The following NEK11 variants were observed in gnomAD, a reference collection of about 807,000 sequenced individuals.
NEK11 encodes the protein NIMA related kinase 11.
Under a neutral mutation model 80.7 loss-of-function variants are expected in NEK11, and 72 were observed. That is an observed-to-expected ratio of 0.89 (90% CI 0.74 to 1.08). The LOEUF is 1.08. Ranked by LOEUF, NEK11 falls within the 50% of genes least tolerant of loss-of-function variation. NEK11 has a pLI of 0.00. For missense variants in NEK11, 764 were observed against 763.6 expected (o/e 1.00, Z -0.01); for synonymous variants, 251 against 260.7 (o/e 0.96, Z 0.36).
At chr3:131,331,777 C>A (rs971885348) in intron 17 of NEK11, among the ~76,000 whole-genome samples, 9 of 152,188 alleles carry the variant, frequency 5.9e-5, no homozygotes, top group Non-Finnish European at 1.2e-4. Context: ...TGCGCTTTTC[C>A]GACGGGCTTA....
At chr3:131,138,604 C>G (rs2086154389) in intron 7 of NEK11, among the ~76,000 whole-genome samples, 1 of 152,040 alleles carries the variant, frequency 6.6e-6, no homozygotes, top group African/African-American at 2.4e-5. Context: ...TGGACGAGAC[C>G]TGGTGCCACT....
chr3:131,136,548 C>G (rs916609193), intron 7 of NEK11, among the ~76,000 whole-genome samples: 1 of 152,080 alleles, frequency 6.6e-6, no homozygotes, highest in Non-Finnish European at 1.5e-5. Context: ...GGAGAATTTG[C>G]TTAAAGGAGA....
chr3:131,139,131 G>T (rs1451263431), intron 7 of NEK11, among the ~76,000 whole-genome samples: 1 of 151,918 alleles, frequency 6.6e-6, no homozygotes, highest in Non-Finnish European at 1.5e-5. Flanking sequence ...CAAAATTCAA[G>T]ATAACACAGA....
In NEK11 at chr3:131,301,758, G is replaced by A. The variant is rs1235906738; in HGVS notation, c.1718+28184G>A. ...GATCATGGTGGTTTAGCTTTTTGTT[G>A]TGCTGCTGGATTTGGTTTGCTAGCA... On this transcript the variant is annotated intron_variant, in intron 17 of 17. Transcript: ENST00000383366. Among the ~76,000 whole-genome samples the A allele has an allele frequency of 2.6e-5, 4 of 152,126 alleles. No individual in the cohort carries two copies. The East Asian group carries it at 5.8e-4, about 22-fold the overall frequency.
intron 16 of NEK11, among the ~76,000 whole-genome samples, chr3:131,250,748 G>A (rs78918943): frequency 0.024 from 3,670 of 152,194 alleles, 132 homozygotes; most frequent in African/African-American, 0.082. Context: ...TCCTAGAGAG[G>A]AATGGAACTA....
chr3:131,162,558 T>TCGGGA (rs773952150), intron 11 of NEK11, 31 bp downstream of exon 11: 21 of 1,612,746 alleles, frequency 1.3e-5, no homozygotes, highest in Non-Finnish European at 1.8e-5. Flanking sequence ...GCACTCATGC[T>TCGGGA]CGGGACTACT....
chr3:131,147,759 AT>A (rs892032188), intron 7 of NEK11, among the ~76,000 whole-genome samples: 3 of 151,686 alleles, frequency 2.0e-5, no homozygotes, highest in African/African-American at 7.3e-5. Flanking sequence ...AGGTCTTTGG[AT>A]TTTTTTCTGT....
At chr3:131,243,280 C>A (rs1456714043) in intron 15 of NEK11, among the ~76,000 whole-genome samples, 156 bp from the exon 16 acceptor site, 1 of 151,986 alleles carries the variant, frequency 6.6e-6, no homozygotes, top group Non-Finnish European at 1.5e-5. Flanking sequence ...TGTAGATATA[C>A]ATAAAGTTAT....
At chr3:131,050,257 T>C (rs1190247692) in intron 3 of NEK11, among the ~76,000 whole-genome samples, 1 of 152,248 alleles carries the variant, frequency 6.6e-6, no homozygotes. Context: ...CAACAGATCA[T>C]CAGGAGATTG....
chr3:131,112,968 T>C (rs2149372496), intron 5 of NEK11, among the ~76,000 whole-genome samples: 1 of 152,274 alleles, frequency 6.6e-6, no homozygotes, highest in African/African-American at 2.4e-5. Flanking sequence ...TTCAGGAAGG[T>C]TAGATGATAA....
intron 7 of NEK11, among the ~76,000 whole-genome samples, chr3:131,142,999 T>C (rs941971484): frequency 6.6e-6 from 1 of 152,202 alleles, no homozygotes; most frequent in African/African-American, 2.4e-5. Context: ...AATGTGACAG[T>C]ATATTAGAAT....
chr3:131,116,943 G>A (rs1476331976), intron 5 of NEK11, among the ~76,000 whole-genome samples: 1 of 152,100 alleles, frequency 6.6e-6, no homozygotes, highest in East Asian at 1.9e-4. Context: ...TCACTCTGAT[G>A]GTAGTTTCTT....
chr3:131,338,464 C>G (rs949419378), intron 17 of NEK11, among the ~76,000 whole-genome samples: 1 of 151,984 alleles, frequency 6.6e-6, no homozygotes, highest in Admixed American at 6.6e-5. Flanking sequence ...TATACACTTA[C>G]CATACAACCC....
chr3:131,168,478 T>C (rs998098211), intron 12 of NEK11, among the ~76,000 whole-genome samples: 3 of 150,022 alleles, frequency 2.0e-5, no homozygotes, highest in Non-Finnish European at 4.5e-5. Context: ...TGCCTCAGCC[T>C]CCCAAGTAGC....
chr3:131,309,771 G>A (rs564514482), intron 17 of NEK11, among the ~76,000 whole-genome samples: 35 of 151,798 alleles, frequency 2.3e-4, no homozygotes, highest in African/African-American at 8.2e-4. Context: ...AGGCACTTGA[G>A]CTCAGGAGCT....
chr3:131,079,696 C>T (rs1577956183), intron 3 of NEK11, among the ~76,000 whole-genome samples: 1 of 152,074 alleles, frequency 6.6e-6, no homozygotes, highest in Admixed American at 6.5e-5. Context: ...ATGAGCTCTT[C>T]TTTCATTTAT....
In NEK11 at chr3:131,109,939, TG is replaced by T; in HGVS notation, c.455+23del. The stretch of plus-strand genomic sequence containing the variant: ...CATGAGAGGTATGTTCATTTGCTAC[TG>T]GGGGAGCATGATATATTTTTAACAG... On this transcript the variant is annotated intron_variant, in intron 5 of 17. Transcript: ENST00000383366. 1 of 1,575,774 alleles carries T rather than the reference TG, an allele frequency of 6.3e-7. No individual in the cohort carries two copies. Among genetic ancestry groups the T allele is most frequent in the Admixed American group, 2.0e-5 (1 of 50,492 alleles).
intron 3 of NEK11, among the ~76,000 whole-genome samples, chr3:131,046,182 G>A (rs2067356926): frequency 6.6e-6 from 1 of 151,872 alleles, no homozygotes; most frequent in Admixed American, 6.6e-5. Context: ...TTTTTTCATT[G>A]TTTTTGTTTT....
chr3:131,349,448 C>T, intron 17 of NEK11, 109 bp from the exon 18 acceptor site: 2 of 933,708 alleles, frequency 2.1e-6, no homozygotes, highest in Admixed American at 5.4e-5. Flanking sequence ...CCCTTTTTTT[C>T]TAAATCCCAG....
Sources: gnomAD v4.1 joint callset for allele counts (sites outside exome capture counted in the v4.1 genomes callset) on GRCh38, gnomAD v4.1.1 for gene constraint, MANE v1.5 for transcripts, NCBI Gene and HGNC (gene_info 2026-07-23, HGNC 2026-07-21) for gene names.